Variants in WASF3 observed in about 807,000 individuals in gnomAD.
WASF3 encodes the protein WASP family member 3.
WASF3 carries 11 observed loss-of-function variants against 46.6 expected under a neutral mutation model. The observed-to-expected ratio is 0.24, with a 90% CI of 0.15 to 0.39. WASF3 has a LOEUF of 0.39. Ranked by LOEUF, WASF3 falls within the 10% of genes least tolerant of loss-of-function variation. The pLI, the probability that WASF3 is intolerant of heterozygous loss-of-function variation, is 1.00. For synonymous variants in WASF3, 242 were observed against 259.7 expected, an observed-to-expected ratio of 0.93 and a Z score of 0.65; for missense variants, 576 against 669.8, an observed-to-expected ratio of 0.86 and a Z score of 1.55.
intron 4 of WASF3, among the ~76,000 whole-genome samples, chr13:26,666,427 C>A (rs1469268424): frequency 2.0e-5 from 3 of 152,152 alleles, no homozygotes; most frequent in Non-Finnish European, 4.4e-5. Flanking sequence ...TTATTACTTT[C>A]CTTGCCATGG....
rs73170111 is a variant in WASF3 at position 26,681,414 on chromosome 13, G to A, written c.983+94G>A. On this transcript the variant is annotated intron_variant, in intron 8 of 9. Transcript: ENST00000335327. ...AGAATTTTAACTCCGGTATTTTAGA[G>A]GCCAAGATAGAGTCAAGGATGACTG... is the stretch of plus-strand genomic sequence containing the variant. 11,962 of 1,412,668 alleles carry A rather than the reference G, an allele frequency of 8.5e-3. 67 individuals carry two copies. Among genetic ancestry groups the A allele is most frequent in the Middle Eastern group, 0.012 (51 of 4,084 alleles). The allele number at this position is 1,412,668 out of a possible 1,614,324, so 87.5% of individuals were successfully genotyped here.
intron 4 of WASF3, 32 bp downstream of exon 4, chr13:26,665,194 A>G: frequency 6.2e-7 from 1 of 1,608,880 alleles, no homozygotes. Context: ...GTGAGCTAGA[A>G]GTGATGTTGA....
chr13:26,596,158 A>G (rs1880454640), intron 1 of WASF3, among the ~76,000 whole-genome samples: 2 of 131,790 alleles, frequency 1.5e-5, no homozygotes, highest in Admixed American at 8.0e-5. Context: ...TGGTATTATC[A>G]CTGTTTATTT....
At chr13:26,572,843 G>A (rs1229091702) in intron 1 of WASF3, among the ~76,000 whole-genome samples, 2 of 152,104 alleles carry the variant, frequency 1.3e-5, no homozygotes, top group East Asian at 3.9e-4. Context: ...GGGAGCCACC[G>A]CGCCTGGCCT....
intron 1 of WASF3, among the ~76,000 whole-genome samples, chr13:26,603,062 TG>T (rs1880688773): frequency 6.6e-6 from 1 of 152,182 alleles, no homozygotes; most frequent in Admixed American, 6.5e-5. Context: ...TAAGGGCCCA[TG>T]GGGAGGTAAG....
chr13:26,543,432 T>C, the WASF3 span, among the ~76,000 whole-genome samples: 1 of 152,188 alleles, frequency 6.6e-6, no homozygotes, highest in South Asian at 2.1e-4. Flanking sequence ...TAGAATACAA[T>C]AGACTTCATT....
intron 3 of WASF3, among the ~76,000 whole-genome samples, chr13:26,655,359 C>T (rs943139342): frequency 1.4e-4 from 21 of 152,136 alleles, no homozygotes; most frequent in Admixed American, 9.2e-4. Context: ...AAATATCACA[C>T]GGTGATGATG....
intron 2 of WASF3, among the ~76,000 whole-genome samples, chr13:26,633,215 T>TTTTTTTTTTTTTTTTG: frequency 6.8e-6 from 1 of 146,434 alleles, no homozygotes; most frequent in Non-Finnish European, 1.5e-5. Flanking sequence ...TTTTTTTTTT[T>TTTTTTTTTTTTTTTTG]TCTTGAGGCA....
intron 1 of WASF3, among the ~76,000 whole-genome samples, chr13:26,567,707 A>AAAT (rs1555247056): frequency 2.7e-5 from 4 of 150,912 alleles, no homozygotes; most frequent in African/African-American, 9.8e-5. Context: ...TTAAAAAAAA[A>AAAT]ATATATATAT....
intron 4 of WASF3, among the ~76,000 whole-genome samples, chr13:26,666,866 C>CAAAAAA (rs1168774717): frequency 4.0e-4 from 25 of 62,778 alleles, no homozygotes; most frequent in African/African-American, 6.6e-4. Context: ...AAGACTGTCT[C>CAAAAAA]AAAAAAAAAA....
At chr13:26,627,092 T>C (rs920853938) in intron 2 of WASF3, among the ~76,000 whole-genome samples, 2 of 152,138 alleles carry the variant, frequency 1.3e-5, no homozygotes, top group African/African-American at 2.4e-5. Flanking sequence ...AGAGTACCAA[T>C]TGGAGAAGTT....
chr13:26,635,436 C>T (rs1355724250), intron 2 of WASF3, among the ~76,000 whole-genome samples: 1 of 152,210 alleles, frequency 6.6e-6, no homozygotes, highest in Non-Finnish European at 1.5e-5. Flanking sequence ...TTAGAACATG[C>T]TCCTTTAGCT....
chr13:26,649,755 G>A (rs574560792), intron 3 of WASF3, among the ~76,000 whole-genome samples: 19 of 152,186 alleles, frequency 1.2e-4, no homozygotes, highest in South Asian at 2.1e-4. Flanking sequence ...CTCTTTGTTC[G>A]TCCATTCAGG....
chr13:26,669,822 G>A (rs1341929508), intron 5 of WASF3, among the ~76,000 whole-genome samples: 1 of 147,594 alleles, frequency 6.8e-6, no homozygotes. Flanking sequence ...CCTAAGTGAC[G>A]GAAAAATTAA....
At chr13:26,540,410 G>T in the WASF3 span, among the ~76,000 whole-genome samples, 1 of 152,180 alleles carries the variant, frequency 6.6e-6, no homozygotes, top group African/African-American at 2.4e-5. Context: ...TGCCCAGCAT[G>T]CTCTTCTTCC....
At chr13:26,601,443 T>C (rs947877706) in intron 1 of WASF3, among the ~76,000 whole-genome samples, 4 of 152,224 alleles carry the variant, frequency 2.6e-5, no homozygotes, top group African/African-American at 9.6e-5. Flanking sequence ...TGGGCTCTTC[T>C]AGACTTTGAA....
chr13:26,585,479 A>T (rs1175732736), intron 1 of WASF3, among the ~76,000 whole-genome samples: 1 of 152,170 alleles, frequency 6.6e-6, no homozygotes, highest in Non-Finnish European at 1.5e-5. Flanking sequence ...ATATGGAGAG[A>T]TTTGAAGACT....
At chr13:26,621,943 A>G (rs1374841674) in intron 2 of WASF3, among the ~76,000 whole-genome samples, 1 of 152,132 alleles carries the variant, frequency 6.6e-6, no homozygotes, top group Non-Finnish European at 1.5e-5. Flanking sequence ...CTGAGGGGAA[A>G]GGTCAGAGGA....
intron 2 of WASF3, chr13:26,622,835 A>G (rs1249606568): frequency 6.6e-6 from 1 of 152,164 alleles, no homozygotes; most frequent in Admixed American, 6.5e-5. Flanking sequence ...TATCAGCTCA[A>G]TGTCTTAACA....
Sources: gnomAD v4.1 joint callset for allele counts (sites outside exome capture counted in the v4.1 genomes callset) on GRCh38, gnomAD v4.1.1 for gene constraint, MANE v1.5 for transcripts, NCBI Gene and HGNC (gene_info 2026-07-23, HGNC 2026-07-21) for gene names.